Variants in HIGD1C observed in about 807,000 individuals in gnomAD.
HIGD1C encodes HIG1 hypoxia inducible domain family member 1C.
HIGD1C carries 11 observed loss-of-function variants against 13.1 expected under a neutral mutation model. The ratio of observed to expected loss-of-function variants is 0.84; its 90% CI spans 0.53 to 1.39. HIGD1C has a LOEUF of 1.39. Ranked by LOEUF, HIGD1C falls within the 40% of genes most tolerant of loss-of-function variation. The pLI is 0.00. For missense variants in HIGD1C, 110 were observed against 112.0 expected (o/e 0.98, Z 0.08); for synonymous variants, 36 against 37.7 (o/e 0.95, Z 0.17).
At chr12:50,936,120 T>G in the HIGD1C span, among the ~76,000 whole-genome samples, 1 of 149,584 alleles carries the variant, frequency 6.7e-6, no homozygotes, top group Non-Finnish European at 1.5e-5. Context: ...GATCACACCA[T>G]TGCACTCCAG....
At chr12:50,952,929 A>T (rs1938953053), upstream of HIGD1C, among the ~76,000 whole-genome samples, 1 of 152,208 alleles carries the variant, frequency 6.6e-6, no homozygotes, top group African/African-American at 2.4e-5. Flanking sequence ...CAACAGTCAC[A>T]GAGGGAAGTC....
the HIGD1C span, chr12:50,940,041 T>C: frequency 6.6e-6 from 1 of 152,106 alleles, no homozygotes. Context: ...TGGATTATTA[T>C]ACATTATAAT....
At chr12:50,964,187 A>C (rs1450297855) in intron 2 of HIGD1C, among the ~76,000 whole-genome samples, 2 of 152,228 alleles carry the variant, frequency 1.3e-5, no homozygotes, top group Admixed American at 6.5e-5. Flanking sequence ...CATTCATATC[A>C]AAATAAGGAA....
chr12:50,972,105 A>G (rs1325700266), downstream of HIGD1C, among the ~76,000 whole-genome samples: 1 of 152,252 alleles, frequency 6.6e-6, no homozygotes, highest in Non-Finnish European at 1.5e-5. Flanking sequence ...CATTAAGGTC[A>G]GGAAAACTGA....
At chr12:50,946,246 A>C in the HIGD1C span, among the ~76,000 whole-genome samples, 3 of 152,246 alleles carry the variant, frequency 2.0e-5, no homozygotes, top group Admixed American at 6.5e-5. Context: ...TAATTAAACT[A>C]AAGAGCTTCT....
the HIGD1C span, among the ~76,000 whole-genome samples, chr12:50,943,450 C>A: frequency 6.6e-6 from 1 of 152,150 alleles, no homozygotes; most frequent in African/African-American, 2.4e-5. Context: ...GTGGCTCACA[C>A]CTGTAATCCC....
intron 1 of HIGD1C, among the ~76,000 whole-genome samples, chr12:50,958,382 C>T (rs1398274781): frequency 1.3e-5 from 2 of 150,464 alleles, no homozygotes; most frequent in Non-Finnish European, 3.0e-5. Flanking sequence ...CCCGGGTTCA[C>T]ACCATTCTCC....
intron 1 of HIGD1C, among the ~76,000 whole-genome samples, chr12:50,960,673 AT>A (rs1939289638): frequency 6.7e-6 from 1 of 149,768 alleles, no homozygotes; most frequent in Non-Finnish European, 1.5e-5. Context: ...CCTGCTGTGT[AT>A]TTAACCCATA....
intron 1 of HIGD1C, among the ~76,000 whole-genome samples, chr12:50,956,237 C>G (rs953592482): frequency 6.6e-6 from 1 of 152,038 alleles, no homozygotes; most frequent in Non-Finnish European, 1.5e-5. Flanking sequence ...ACTAAAAATA[C>G]AAAAATTAGC....
chr12:50,968,522 G>A (rs994986143), intron 2 of HIGD1C, among the ~76,000 whole-genome samples: 3 of 152,066 alleles, frequency 2.0e-5, no homozygotes, highest in African/African-American at 7.2e-5. Context: ...TAGCAGCTGG[G>A]ACTACAGGCG....
chr12:50,957,521 C>T (rs1260530762), intron 1 of HIGD1C, among the ~76,000 whole-genome samples: 3 of 151,590 alleles, frequency 2.0e-5, no homozygotes, highest in East Asian at 2.0e-4. Flanking sequence ...TTCTTTTAAT[C>T]GATCCTTACA....
chr12:50,938,455 T>C, the HIGD1C span, among the ~76,000 whole-genome samples: 3 of 152,174 alleles, frequency 2.0e-5, no homozygotes, highest in African/African-American at 7.2e-5. Context: ...AGCACAGGGA[T>C]GCCCAGGTCC....
At chr12:50,971,701 A>G (rs1233738271), downstream of HIGD1C, among the ~76,000 whole-genome samples, 1 of 152,218 alleles carries the variant, frequency 6.6e-6, no homozygotes, top group Admixed American at 6.5e-5. Flanking sequence ...TAGGAGAGAA[A>G]AAAATAGTCA....
At chr12:50,954,179 A>G (rs1273992608) in intron 1 of HIGD1C, 87 bp downstream of exon 3, 4 of 793,506 alleles carry the variant, frequency 5.0e-6, no homozygotes, top group Non-Finnish European at 4.2e-6. Flanking sequence ...AATGTTTCTT[A>G]TAATTGAATT....
chr12:50,950,260 TG>T (rs1938864021), upstream of HIGD1C, among the ~76,000 whole-genome samples: 1 of 152,148 alleles, frequency 6.6e-6, no homozygotes, highest in African/African-American at 2.4e-5. Flanking sequence ...AAACAGTCTC[TG>T]CTGATACAGA....
At chr12:50,950,535 CCT>C (rs1938868956), upstream of HIGD1C, among the ~76,000 whole-genome samples, 2 of 151,942 alleles carry the variant, frequency 1.3e-5, no homozygotes, top group South Asian at 2.1e-4. Context: ...ATGGAATTTC[CCT>C]CTGTCACCCA....
chr12:50,959,046 C>T (rs543907822), intron 1 of HIGD1C, among the ~76,000 whole-genome samples: 2 of 152,222 alleles, frequency 1.3e-5, no homozygotes, highest in South Asian at 2.1e-4. Context: ...AAAAGATGCA[C>T]ACTTTTACTG....
At chr12:50,942,347 C>G in the HIGD1C span, among the ~76,000 whole-genome samples, 1 of 152,170 alleles carries the variant, frequency 6.6e-6, no homozygotes, top group Non-Finnish European at 1.5e-5. Flanking sequence ...CTAGCTCTCC[C>G]CCTCTCACTT....
intron 1 of HIGD1C, among the ~76,000 whole-genome samples, chr12:50,956,956 T>A (rs892187628): frequency 6.6e-6 from 1 of 152,096 alleles, no homozygotes; most frequent in Non-Finnish European, 1.5e-5. Flanking sequence ...GGGTTTTACC[T>A]GTTTCCTCAT....
Sources: allele counts gnomAD v4.1 joint callset (sites outside exome capture counted in the v4.1 genomes callset), GRCh38; gene constraint gnomAD v4.1.1; transcripts MANE v1.5; gene names NCBI Gene and HGNC (gene_info 2026-07-23, HGNC 2026-07-21).